Variants in LINC00632 observed in about 807,000 individuals in gnomAD.
LINC00632 encodes ALDOA related specific transcript.
chrX:140,725,674 A>G (rs1163002865), intron 2 of LINC00632, among the ~76,000 whole-genome samples: 1 of 112,058 alleles, frequency 8.9e-6, no homozygotes, highest in Non-Finnish European at 1.9e-5. Flanking sequence ...CATTGTTTGA[A>G]GACTTGCTGC....
chrX:140,725,225 G>A (rs1930928227), intron 2 of LINC00632, among the ~76,000 whole-genome samples: 1 of 30,899 alleles, frequency 3.2e-5, no homozygotes, highest in South Asian at 1.3e-3. Flanking sequence ...CACATACTCA[G>A]ACACACATTC....
intron 3 of LINC00632, among the ~76,000 whole-genome samples, chrX:140,746,234 C>G (rs1426821026): frequency 8.9e-6 from 1 of 111,830 alleles, no homozygotes; most frequent in Admixed American, 9.5e-5. Flanking sequence ...ACTCTTTTAA[C>G]TACTTAACTT....
chrX:140,719,816 G>C (rs971700584), intron 2 of LINC00632, among the ~76,000 whole-genome samples: 1 of 108,755 alleles, frequency 9.2e-6, no homozygotes, highest in Non-Finnish European at 1.9e-5. Context: ...CAGGCCAGGT[G>C]TGGTGGCTCA....
At chrX:140,786,870 G>A (rs1183307697) in exon 5 of LINC00632, among the ~76,000 whole-genome samples, 1 of 111,679 alleles carries the variant, frequency 9.0e-6, no homozygotes, top group African/African-American at 3.2e-5. Flanking sequence ...CATTTTATAA[G>A]TTAAGTGAAA....
rs373217451 is a variant in LINC00632 at position 140,775,399 on chromosome X, G to A, written n.3418G>A. 1.1e-3 allele frequency among the ~76,000 whole-genome samples: 129 copies of A among 112,321 alleles called. 1 individual carries two copies. Among genetic ancestry groups the A allele is most frequent in the African/African-American group, 3.8e-3 (119 of 30,929 alleles). The stretch of plus-strand genomic sequence containing the variant: ...AAAAAAACCACAAAGCCAGAGATAC[G>A]ACGCTGTTATCTTGTTCTAAGAATT... On this transcript the variant is annotated non_coding_transcript_exon_variant, in exon 5 of 5. Transcript: ENST00000648200.
exon 5 of LINC00632, among the ~76,000 whole-genome samples, chrX:140,787,873 C>T (rs1932039497): frequency 9.3e-6 from 1 of 108,015 alleles, no homozygotes; most frequent in Non-Finnish European, 1.9e-5. Context: ...AAGATACACA[C>T]TAAAATGTTG....
At chrX:140,719,956 C>T (rs1930699089) in intron 2 of LINC00632, among the ~76,000 whole-genome samples, 1 of 109,050 alleles carries the variant, frequency 9.2e-6, no homozygotes. Context: ...GGCATGGTGG[C>T]GGGCACCTGT....
chrX:140,745,885 T>C (rs1931320179), intron 3 of LINC00632, among the ~76,000 whole-genome samples: 1 of 111,994 alleles, frequency 8.9e-6, no homozygotes, highest in Admixed American at 9.5e-5. Context: ...GATTGAGGAA[T>C]TTTATTAGTC....
At chrX:140,737,153 G>A (rs979256985) in intron 3 of LINC00632, among the ~76,000 whole-genome samples, 2 of 110,583 alleles carry the variant, frequency 1.8e-5, no homozygotes, top group Non-Finnish European at 3.8e-5. Context: ...ATTTGCCTCG[G>A]CCTCCCAAAG....
chrX:140,787,237 C>T (rs996035649), exon 5 of LINC00632, among the ~76,000 whole-genome samples: 10 of 111,153 alleles, frequency 9.0e-5, no homozygotes, highest in African/African-American at 1.3e-4. Flanking sequence ...TAAGGATTTT[C>T]GTGTATGCTC....
At chrX:140,773,319 G>A (rs1317100509) in exon 4 of LINC00632, among the ~76,000 whole-genome samples, 1 of 112,320 alleles carries the variant, frequency 8.9e-6, no homozygotes, top group Non-Finnish European at 1.9e-5. Flanking sequence ...AATACCTGAA[G>A]AAGACGATTG....
chrX:140,780,383 G>A (rs1192238383), exon 5 of LINC00632, among the ~76,000 whole-genome samples: 1 of 111,209 alleles, frequency 9.0e-6, no homozygotes, highest in Non-Finnish European at 1.9e-5. Flanking sequence ...TGCTGATGAG[G>A]GATACATGAA....
chrX:140,746,148 G>A (rs1359697797), intron 3 of LINC00632, among the ~76,000 whole-genome samples: 1 of 112,078 alleles, frequency 8.9e-6, no homozygotes, highest in Non-Finnish European at 1.9e-5. Context: ...TTGACATTGT[G>A]GAATGATTAA....
chrX:140,759,714 G>A (rs911160780), intron 3 of LINC00632, among the ~76,000 whole-genome samples: 1 of 110,906 alleles, frequency 9.0e-6, no homozygotes, highest in Non-Finnish European at 1.9e-5. Flanking sequence ...CACTCATTGT[G>A]ACAAATAATT....
At position 140,747,722 on chromosome X, in the gene LINC00632, G is replaced by A. The variant is rs975996400; in HGVS notation, n.191+13758G>A. Among the ~76,000 whole-genome samples the A allele has an allele frequency of 6.3e-5, 7 of 111,108 alleles. No homozygotes were observed. The South Asian group carries it at 2.7e-3, about 43-fold the overall frequency. Reference sequence around the variant, plus strand: ...CACTAAGAGTTGCCTTATTTTTGAAGACGTGGAATTAGCTATGGAAAGCAA... The same window carrying A: ...CACTAAGAGTTGCCTTATTTTTGAAAACGTGGAATTAGCTATGGAAAGCAA... On this transcript the variant is annotated intron_variant and non_coding_transcript_variant, in intron 3 of 4. Coordinates refer to ENST00000648200, the Ensembl canonical transcript of LINC00632.
chrX:140,784,798 C>T (rs1163668043), exon 5 of LINC00632: 1 of 154,452 alleles, frequency 6.5e-6, no homozygotes, highest in Non-Finnish European at 1.4e-5. Flanking sequence ...ACTATTTCTG[C>T]TTCTAGTTGA....
At chrX:140,722,313 A>C (rs1425715635) in intron 2 of LINC00632, among the ~76,000 whole-genome samples, 1 of 109,446 alleles carries the variant, frequency 9.1e-6, no homozygotes, top group African/African-American at 3.3e-5. Flanking sequence ...TGTCAAGAAG[A>C]AAAAGACTAG....
At chrX:140,761,355 G>T (rs6636113) in intron 3 of LINC00632, among the ~76,000 whole-genome samples, 1 of 111,184 alleles carries the variant, frequency 9.0e-6, no homozygotes, top group African/African-American at 3.3e-5. Context: ...ACATCTTAGT[G>T]AGTACTGGAA....
chrX:140,731,843 A>C (rs1281589539), intron 2 of LINC00632, among the ~76,000 whole-genome samples: 1 of 111,280 alleles, frequency 9.0e-6, no homozygotes, highest in Non-Finnish European at 1.9e-5. Context: ...ACATATGTAC[A>C]CCTAGACATG....
Sources: allele counts gnomAD v4.1 joint callset (sites outside exome capture counted in the v4.1 genomes callset), GRCh38; gene constraint gnomAD v4.1.1; transcripts MANE v1.5; gene names NCBI Gene and HGNC (gene_info 2026-07-23, HGNC 2026-07-21).